The following DPH6 variants were observed in gnomAD, a reference collection of about 807,000 sequenced individuals.
DPH6 encodes the protein diphthine--ammonia ligase.
Under a neutral mutation model 38.2 loss-of-function variants are expected in DPH6, and 33 were observed. The observed-to-expected ratio is 0.86, with a 90% CI of 0.65 to 1.15. The LOEUF is 1.15. DPH6 is among the 50% of genes most tolerant of loss of function. The pLI is 0.00. For synonymous variants in DPH6, 108 were observed against 103.0 expected, an observed-to-expected ratio of 1.05 and a Z score of -0.30; for missense variants, 325 against 320.0, an observed-to-expected ratio of 1.02 and a Z score of -0.12.
At chr15:35,408,632 G>GA (rs1389606379) in intron 6 of DPH6, among the ~76,000 whole-genome samples, 8 of 151,938 alleles carry the variant, frequency 5.3e-5, no homozygotes, top group Admixed American at 4.6e-4. Flanking sequence ...AAAAGAGTAG[G>GA]ACTATCCAGA....
intron 1 of DPH6, among the ~76,000 whole-genome samples, chr15:35,545,103 A>G (rs773916153): frequency 2.5e-4 from 38 of 152,240 alleles, no homozygotes; most frequent in Non-Finnish European, 3.8e-4. Context: ...CAAAACTTAC[A>G]GCCAGTATCA....
chr15:35,435,695 TTG>T (rs2053689804), intron 5 of DPH6, among the ~76,000 whole-genome samples: 2 of 152,120 alleles, frequency 1.3e-5, no homozygotes, highest in African/African-American at 4.8e-5. Flanking sequence ...TTTTTCTTGG[TTG>T]TGAGACAAGA....
chr15:35,288,531 C>T (rs146477416), intron 3 of DPH6, among the ~76,000 whole-genome samples: 453 of 152,164 alleles, frequency 3.0e-3, no homozygotes, highest in African/African-American at 0.01. Flanking sequence ...CCTTCCTAAC[C>T]GCTTCCTATT....
downstream of DPH6, among the ~76,000 whole-genome samples, chr15:35,216,065 A>T (rs534066964): frequency 4.8e-4 from 73 of 152,374 alleles, 1 homozygote; most frequent in South Asian, 0.015. Context: ...AGAGTTAAAT[A>T]GCTTTTCCAA....
rs925897772 is a variant in DPH6, at chr15:35,343,342, T to C, written n.208-12265A>G. On this transcript the variant is annotated intron_variant and non_coding_transcript_variant, in intron 3 of 3. Coordinates refer to the DPH6 transcript ENST00000558973. Reference sequence around the variant, plus strand: ...CCAATATTATTTTATTTAAAATCCCTACTAAGCAATTCAGAATGATTTTGA... The same window carrying C: ...CCAATATTATTTTATTTAAAATCCCCACTAAGCAATTCAGAATGATTTTGA... Among the ~76,000 whole-genome samples the C allele has an allele frequency of 2.6e-5, 4 of 152,248 alleles. No individual in the cohort carries two copies. The East Asian group carries it at 7.7e-4, about 29-fold the overall frequency.
At chr15:35,378,147 C>T (rs1232487052) in intron 7 of DPH6, among the ~76,000 whole-genome samples, 1 of 152,082 alleles carries the variant, frequency 6.6e-6, no homozygotes, top group Non-Finnish European at 1.5e-5. Context: ...AAAAACAACC[C>T]CATCAAAAAG....
chr15:35,337,377 T>C (rs1191609896), intron 3 of DPH6, among the ~76,000 whole-genome samples: 3 of 152,102 alleles, frequency 2.0e-5, no homozygotes, highest in Admixed American at 2.0e-4. Context: ...ATCATTCTTA[T>C]ACACCAATAA....
At chr15:35,481,429 A>G (rs991702606) in intron 3 of DPH6, among the ~76,000 whole-genome samples, 1 of 152,186 alleles carries the variant, frequency 6.6e-6, no homozygotes, top group Non-Finnish European at 1.5e-5. Flanking sequence ...AAGACATATT[A>G]ACCAATTGCA....
At chr15:35,396,975 C>G (rs957643541) in intron 6 of DPH6, among the ~76,000 whole-genome samples, 1 of 152,104 alleles carries the variant, frequency 6.6e-6, no homozygotes, top group Non-Finnish European at 1.5e-5. Flanking sequence ...TTTGTCAAAC[C>G]TATAAGGAAG....
chr15:35,479,938 C>G (rs1312284096), intron 3 of DPH6, among the ~76,000 whole-genome samples: 2 of 151,680 alleles, frequency 1.3e-5, no homozygotes, highest in African/African-American at 4.8e-5. Flanking sequence ...AAAAAGAAAA[C>G]AAGAATGTAA....
chr15:35,315,587 G>T (rs116621005), intron 3 of DPH6, among the ~76,000 whole-genome samples: 4,692 of 152,244 alleles, frequency 0.031, 247 homozygotes, highest in African/African-American at 0.11. Context: ...TACACTGTTG[G>T]TGGGAATGTA....
At chr15:35,367,595 C>T (rs141894707), downstream of DPH6, among the ~76,000 whole-genome samples, 40 of 151,688 alleles carry the variant, frequency 2.6e-4, 1 homozygote, top group South Asian at 2.1e-3. Context: ...TATATTTCTC[C>T]GTTTTTATCT....
chr15:35,156,025 G>T, the DPH6 span, among the ~76,000 whole-genome samples: 15 of 152,104 alleles, frequency 9.9e-5, no homozygotes, highest in Non-Finnish European at 2.1e-4. Context: ...TTTCACCTCT[G>T]ATGAAATTCA....
intron 3 of DPH6, among the ~76,000 whole-genome samples, chr15:35,474,088 T>C (rs1280752464): frequency 6.6e-6 from 1 of 152,076 alleles, no homozygotes; most frequent in African/African-American, 2.4e-5. Flanking sequence ...CTATGAACAT[T>C]GTGAATTTTG....
intron 7 of DPH6, among the ~76,000 whole-genome samples, chr15:35,378,582 T>C (rs1485901271): frequency 6.6e-6 from 1 of 152,112 alleles, no homozygotes; most frequent in Non-Finnish European, 1.5e-5. Flanking sequence ...AACCTAAATG[T>C]CCATCAACAA....
the DPH6 span, among the ~76,000 whole-genome samples, chr15:35,202,524 T>C: frequency 6.6e-6 from 1 of 151,776 alleles, no homozygotes; most frequent in Non-Finnish European, 1.5e-5. Context: ...GCAACTGTAT[T>C]AGAAAATGTA....
At chr15:35,344,780 C>T (rs192121923) in intron 3 of DPH6, among the ~76,000 whole-genome samples, 81 of 151,850 alleles carry the variant, frequency 5.3e-4, no homozygotes, top group African/African-American at 1.9e-3. Flanking sequence ...ATATATTAGG[C>T]CACAGTTAAA....
chr15:35,530,128 T>G (rs1433371537), intron 3 of DPH6, among the ~76,000 whole-genome samples: 1 of 152,150 alleles, frequency 6.6e-6, no homozygotes, highest in Non-Finnish European at 1.5e-5. Context: ...CTTATCAATC[T>G]GGATAATGTA....
the DPH6 span, among the ~76,000 whole-genome samples, chr15:35,145,143 A>C: frequency 8.2e-6 from 1 of 122,294 alleles, no homozygotes; most frequent in Non-Finnish European, 1.9e-5. Context: ...TTCTTTCTGC[A>C]ACAAACAGAA....
Sources: gnomAD v4.1 joint callset for allele counts (sites outside exome capture counted in the v4.1 genomes callset) on GRCh38, gnomAD v4.1.1 for gene constraint, MANE v1.5 for transcripts, NCBI Gene and HGNC (gene_info 2026-07-23, HGNC 2026-07-21) for gene names.